PAXIP1: variants seen among roughly 807,000 people sequenced by gnomAD.
The protein encoded by PAXIP1 is PAX interacting protein 1, also known as PAX-interacting protein 1.
A neutral mutation model predicts 140.6 loss-of-function variants in PAXIP1; 19 were observed. That is an observed-to-expected ratio of 0.14 (90% CI 0.09 to 0.20). The LOEUF (loss-of-function observed/expected upper bound fraction) is 0.20. PAXIP1 is among the 10% of genes least tolerant of loss of function. The pLI is 1.00. For missense variants in PAXIP1, 920 were observed against 1,208.6 expected (o/e 0.76, Z 3.54); for synonymous variants, 442 against 444.6 (o/e 0.99, Z 0.07).
rs1250014883 is a variant in PAXIP1, at chr7:154,943,912, A to T, written c.*237T>A. ...ACCTGGCAAATGAATCATAAAACCTAATGTGGGCTCTTAAAGTCATATAAT... is the reference window on the plus strand; with the variant it reads ...ACCTGGCAAATGAATCATAAAACCTTATGTGGGCTCTTAAAGTCATATAAT... On this transcript the variant is annotated 3_prime_UTR_variant, in exon 21 of 21. Coordinates refer to ENST00000404141, the MANE Select transcript of PAXIP1 (RefSeq NM_007349.4). 1 of 488,814 alleles carries T rather than the reference A, an allele frequency of 2.0e-6. No homozygotes were observed. Among genetic ancestry groups the T allele is most frequent in the African/African-American group, 2.0e-5 (1 of 51,082 alleles). The allele number at this position is 488,814 out of a possible 1,614,324, so 30.3% of individuals were successfully genotyped here.
At chr7:154,981,697 A>AT (rs1809849472) in intron 5 of PAXIP1, among the ~76,000 whole-genome samples, 1 of 152,192 alleles carries the variant, frequency 6.6e-6, no homozygotes, top group Non-Finnish European at 1.5e-5. Flanking sequence ...AAGAAAAATG[A>AT]TTTAAGTGCC....
intron 4 of PAXIP1, among the ~76,000 whole-genome samples, chr7:154,985,619 T>C (rs1482833393): frequency 6.6e-6 from 1 of 152,226 alleles, no homozygotes; most frequent in African/African-American, 2.4e-5. Context: ...TCCTCCCAGC[T>C]ATACTCCAAA....
At chr7:154,989,159 A>T (rs961165092) in intron 4 of PAXIP1, among the ~76,000 whole-genome samples, 4 of 152,218 alleles carry the variant, frequency 2.6e-5, no homozygotes, top group Non-Finnish European at 5.9e-5. Flanking sequence ...GATTTTAGAG[A>T]ACTTCCAGAA....
intron 4 of PAXIP1, chr7:154,985,996 G>T: frequency 7.3e-7 from 1 of 1,363,578 alleles, no homozygotes; most frequent in South Asian, 1.1e-5. Flanking sequence ...TTACACTCTT[G>T]ACCTATTCCC....
Position 154,963,865 on chromosome 7 carries a change from T to C in PAXIP1, c.1894-99A>G, listed in dbSNP as rs904795243. 3 of 770,672 alleles carry C rather than the reference T, an allele frequency of 3.9e-6. No homozygotes were observed. Among genetic ancestry groups the C allele is most frequent in the Non-Finnish European group, 6.8e-6 (3 of 442,566 alleles). 47.7% of individuals were successfully genotyped at this position (770,672 alleles called of 1,614,324 possible). On this transcript the variant is annotated intron_variant, in intron 8 of 20. Transcript: ENST00000404141. The surrounding 1 kb of genome is among the most constrained non-coding windows in gnomAD (Gnocchi z 4.1). ...AGCTATTAAAAGACTCTATCATATATTTATATCATGTATTTCCTCAAAGTA... is the reference window on the plus strand; with the variant it reads ...AGCTATTAAAAGACTCTATCATATACTTATATCATGTATTTCCTCAAAGTA...
chr7:154,992,975 TA>T (rs1810418654), intron 3 of PAXIP1, among the ~76,000 whole-genome samples: 1 of 152,232 alleles, frequency 6.6e-6, no homozygotes, highest in African/African-American at 2.4e-5. Context: ...GCACATGACA[TA>T]ATCTCTTGCC....
intron 4 of PAXIP1, among the ~76,000 whole-genome samples, chr7:154,985,321 CTAA>C (rs1810020427): frequency 6.6e-6 from 1 of 152,088 alleles, no homozygotes; most frequent in South Asian, 2.1e-4. Context: ...ATCATGTTGG[CTAA>C]TAATGTCTCC....
chr7:154,989,789 T>TATGTACAAGC (rs1810239639), intron 4 of PAXIP1, among the ~76,000 whole-genome samples: 1 of 152,232 alleles, frequency 6.6e-6, no homozygotes, highest in African/African-American at 2.4e-5. Flanking sequence ...TGTACATACC[T>TATGTACAAGC]AGGCTATGGC....
At chr7:154,948,324 C>A in intron 16 of PAXIP1, 1 of 278,202 alleles carries the variant, frequency 3.6e-6, no homozygotes, top group Non-Finnish European at 7.0e-6. Context: ...GGAAGGAAAG[C>A]TGCTTGATGC....
intron 2 of PAXIP1, among the ~76,000 whole-genome samples, chr7:154,996,717 C>T (rs2150788111): frequency 6.6e-6 from 1 of 152,282 alleles, no homozygotes; most frequent in South Asian, 2.1e-4. Flanking sequence ...TTATTATTTA[C>T]TTGCCTTTTA....
chr7:154,945,657 A>T lies in PAXIP1; in HGVS notation c.3194+708T>A, dbSNP rs1410894317. 5.1e-6 allele frequency: 5 copies of T among 985,308 alleles called. No individual in the cohort carries two copies. In the African/African-American group the frequency reaches 8.7e-5, roughly 17 times the overall value. The allele number at this position is 985,308 out of a possible 1,614,324, so 61.0% of individuals were successfully genotyped here. A position where few individuals can be genotyped will look rare whatever the true frequency, so the allele number is the denominator to read the frequency against. On this transcript the variant is annotated intron_variant, in intron 20 of 20. Transcript: ENST00000404141. ...CCTCATTGCAGGAGGCCCAGGGAGAAGTCCTGAGAACAGCCCTGAGAGAAG... is the reference window on the plus strand; with the variant it reads ...CCTCATTGCAGGAGGCCCAGGGAGATGTCCTGAGAACAGCCCTGAGAGAAG...
chr7:154,963,748 C>A lies in PAXIP1; in HGVS notation c.1912G>T (p.Gly638Cys). The A allele has an allele frequency of 6.2e-7, 1 of 1,612,806 alleles. No individual in the cohort carries two copies. Among genetic ancestry groups the A allele is most frequent in the Non-Finnish European group, 8.5e-7 (1 of 1,179,416 alleles). The change falls in exon 9 of 21, where the codon GGC (glycine) becomes TGC (cysteine). Residue 638 changes from glycine (G) to cysteine (C), a missense_variant. Physicochemically the swap from Gly to Cys is radical, Grantham distance 159 (BLOSUM62 -3). This residue lies in a region of PAXIP1 where 62 missense variants were observed against 69.0 expected (regional missense o/e 0.90). Coordinates refer to ENST00000404141, the MANE Select transcript of PAXIP1 (RefSeq NM_007349.4). This position sits in a 1 kb window ranked among gnomAD's most constrained non-coding sequence, Gnocchi z 4.1. ...CTCGTGAAGGTGGGGTCAACAGTGC[C>A]GCCATGTGCCTGGATTATCTACACA... Reference protein sequence around the residue: ...TWKRIIQAHGGTVDPTFTSRC... With the variant: ...TWKRIIQAHGCTVDPTFTSRC...
intron 8 of PAXIP1, among the ~76,000 whole-genome samples, chr7:154,966,530 CA>C (rs1365065890): frequency 6.6e-6 from 1 of 152,194 alleles, no homozygotes; most frequent in Non-Finnish European, 1.5e-5. Flanking sequence ...AACTTGAAAA[CA>C]AGACAAAAAC....
intron 20 of PAXIP1, chr7:154,945,617 G>A: frequency 1.3e-6 from 1 of 743,418 alleles, no homozygotes; most frequent in South Asian, 6.4e-5. Flanking sequence ...CCCTCACAGA[G>A]AGGAGGAGCT....
intron 4 of PAXIP1, among the ~76,000 whole-genome samples, chr7:154,990,703 C>A (rs1013889712): frequency 4.6e-5 from 7 of 152,056 alleles, no homozygotes; most frequent in African/African-American, 1.7e-4. Flanking sequence ...TAAGAAAATT[C>A]TTTGCCTGTA....
intron 4 of PAXIP1, among the ~76,000 whole-genome samples, chr7:154,984,720 G>A (rs1809991486): frequency 6.6e-6 from 1 of 152,266 alleles, no homozygotes; most frequent in South Asian, 2.1e-4. Flanking sequence ...CAGCATTGGA[G>A]AGTTGAGATT....
chr7:154,979,476 C>A (rs1809742380), intron 5 of PAXIP1, among the ~76,000 whole-genome samples: 1 of 151,854 alleles, frequency 6.6e-6, no homozygotes, highest in Non-Finnish European at 1.5e-5. Context: ...TTTAAATTCA[C>A]CACTATTAGG....
chr7:154,954,249 CCTT>C lies in PAXIP1; in HGVS notation c.2821+3_2821+5del. 1 of 1,515,654 alleles carries C rather than the reference CCTT, an allele frequency of 6.6e-7. No homozygotes were observed. The highest frequency in any genetic ancestry group is 1.3e-5 in the South Asian group (1 of 79,006). 93.9% of individuals were successfully genotyped at this position (1,515,654 alleles called of 1,614,324 possible). A position where few individuals can be genotyped will look rare whatever the true frequency, so the allele number is the denominator to read the frequency against. On this transcript the variant is annotated splice_donor_5th_base_variant and intron_variant, in intron 16 of 20. Transcript: ENST00000404141. This position sits in a 1 kb window ranked among gnomAD's most constrained non-coding sequence, Gnocchi z 5.1. ...TAAAAGCAAAGTTACTGGCGCTGCTCCTTACCAATGAACTTCTGACACCTGAAG... is the reference window on the plus strand; with the variant it reads ...TAAAAGCAAAGTTACTGGCGCTGCTCACCAATGAACTTCTGACACCTGAAG...
intron 2 of PAXIP1, among the ~76,000 whole-genome samples, chr7:154,997,840 T>C (rs1427433233): frequency 6.6e-6 from 1 of 152,214 alleles, no homozygotes; most frequent in African/African-American, 2.4e-5. Context: ...ACATAGTTAA[T>C]GGGGGACGCC....
Sources: allele counts gnomAD v4.1 joint callset (sites outside exome capture counted in the v4.1 genomes callset), GRCh38; gene constraint gnomAD v4.1.1; regional missense constraint gnomAD v4.1.1; non-coding constraint Gnocchi (gnomAD v3.1); transcripts MANE v1.5; gene names NCBI Gene and HGNC (gene_info 2026-07-23, HGNC 2026-07-21).